Variants in EPHA5 observed in about 807,000 individuals in gnomAD.
The protein encoded by EPHA5 is ephrin type-A receptor 5.
Under a neutral mutation model 105.0 loss-of-function variants are expected in EPHA5, and 60 were observed. The observed-to-expected ratio is 0.57, with a 90% confidence interval of 0.46 to 0.71. EPHA5 has a LOEUF of 0.71. Among genes scored for constraint, EPHA5 ranks in the 30% least tolerant of loss-of-function variants. EPHA5 has a pLI of 0.00. For missense variants in EPHA5, 1,218 were observed against 1,274.7 expected (o/e 0.96, Z 0.68); for synonymous variants, 513 against 449.1 (o/e 1.14, Z -1.80).
intron 5 of EPHA5, among the ~76,000 whole-genome samples, chr4:65,424,767 C>T (rs537564978): frequency 6.6e-6 from 1 of 152,082 alleles, no homozygotes; most frequent in African/African-American, 2.4e-5. Context: ...CTTCATGACT[C>T]TAAATTAATA....
rs1309430745 is a variant in EPHA5, at chr4:65,531,036, TTTTTA to T, written c.911-35498_911-35494del. On this transcript the variant is annotated intron_variant, in intron 3 of 16. Coordinates refer to ENST00000613740, the MANE Select transcript of EPHA5 (RefSeq NM_001281766.3). ...TTTTATTTTTTTTATTTTTTTTATT[TTTTTA>T]TTTTTTTGAGACGGAGTCTCGCTCT... Among the ~76,000 whole-genome samples, 22 of 81,526 alleles carry T rather than the reference TTTTTA, an allele frequency of 2.7e-4. No individual in the cohort carries two copies. In the South Asian group the frequency reaches 3.9e-3, roughly 14 times the overall value. 53.5% of individuals were successfully genotyped at this position (81,526 alleles called of 152,430 possible). A position where few individuals can be genotyped will look rare whatever the true frequency, so the allele number is the denominator to read the frequency against.
intron 3 of EPHA5, among the ~76,000 whole-genome samples, chr4:65,553,852 G>T (rs903840501): frequency 7.2e-5 from 11 of 151,948 alleles, no homozygotes; most frequent in Non-Finnish European, 1.2e-4. Context: ...CAAAATGAAA[G>T]AACTTTCAGT....
At chr4:65,615,833 G>C (rs534145318) in intron 2 of EPHA5, among the ~76,000 whole-genome samples, 1 of 151,918 alleles carries the variant, frequency 6.6e-6, no homozygotes, top group South Asian at 2.1e-4. Context: ...CCTATATATT[G>C]CTGGTGGAAA....
intron 4 of EPHA5, among the ~76,000 whole-genome samples, chr4:65,492,119 T>C (rs1731458497): frequency 6.6e-6 from 1 of 152,118 alleles, no homozygotes; most frequent in Admixed American, 6.6e-5. Context: ...TAACTAACAT[T>C]TATTAAGTCA....
chr4:65,460,579 A>G (rs1474654585), intron 5 of EPHA5, among the ~76,000 whole-genome samples: 1 of 151,534 alleles, frequency 6.6e-6, no homozygotes, highest in East Asian at 1.9e-4. Context: ...TCAAAAGTAT[A>G]TTTAAATATT....
intron 3 of EPHA5, among the ~76,000 whole-genome samples, chr4:65,592,994 G>A (rs571420188): frequency 4.1e-4 from 62 of 152,248 alleles, no homozygotes; most frequent in African/African-American, 1.4e-3. Flanking sequence ...CCAAAAGGGG[G>A]CAAAATAAAC....
At chr4:65,596,681 A>AACACAC (rs71205392) in intron 3 of EPHA5, among the ~76,000 whole-genome samples, 24,726 of 150,436 alleles carry the variant, frequency 0.16, 2,202 homozygotes, top group Non-Finnish European at 0.2. Context: ...ACAAAAGCAG[A>AACACAC]ACACACACAC....
intron 3 of EPHA5, among the ~76,000 whole-genome samples, chr4:65,576,073 G>GAA (rs1740958548): frequency 2.2e-5 from 1 of 44,568 alleles, no homozygotes; most frequent in African/African-American, 8.1e-5. Context: ...GAAAAGAAAA[G>GAA]AAAAGAAAAG....
intron 3 of EPHA5, among the ~76,000 whole-genome samples, chr4:65,571,331 A>G (rs1740156136): frequency 6.6e-6 from 1 of 151,874 alleles, no homozygotes; most frequent in Admixed American, 6.6e-5. Context: ...TAAAAAAAAA[A>G]AAACAGATCA....
At chr4:65,596,274 T>A (rs1026661052) in intron 3 of EPHA5, among the ~76,000 whole-genome samples, 2 of 152,152 alleles carry the variant, frequency 1.3e-5, no homozygotes, top group Non-Finnish European at 2.9e-5. Context: ...CCAGTGAATA[T>A]TAGGCAATAT....
At chr4:65,646,238 C>T (rs898018158) in intron 1 of EPHA5, among the ~76,000 whole-genome samples, 1 of 152,098 alleles carries the variant, frequency 6.6e-6, no homozygotes, top group Non-Finnish European at 1.5e-5. Flanking sequence ...CAATTCCTAT[C>T]TCTAAAACAC....
chr4:65,646,941 T>A (rs889666345), intron 1 of EPHA5, among the ~76,000 whole-genome samples: 2 of 152,164 alleles, frequency 1.3e-5, no homozygotes, highest in Non-Finnish European at 2.9e-5. Flanking sequence ...TCAGTATTCA[T>A]GACAATATGC....
intron 4 of EPHA5, among the ~76,000 whole-genome samples, chr4:65,493,127 C>T (rs1400894451): frequency 6.6e-6 from 1 of 151,814 alleles, no homozygotes; most frequent in East Asian, 1.9e-4. Context: ...GCACAAGCAG[C>T]TTTAAAGTCA....
In EPHA5 at chr4:65,646,973, A is replaced by G. The variant is rs75624231; in HGVS notation, c.182-3546T>C. ...ATGCATGAAAAAGCACTTTGCCACT[A>G]CTGTAATCAATGCCTCCATTTTCCC... On this transcript the variant is annotated intron_variant, in intron 1 of 16. Transcript: ENST00000613740. Among the ~76,000 whole-genome samples the G allele has an allele frequency of 1.0e-3, 153 of 152,236 alleles. 2 individuals carry two copies. In the East Asian group the frequency reaches 0.023, roughly 22 times the overall value.
At chr4:65,599,134 A>G (rs180809879) in intron 3 of EPHA5, among the ~76,000 whole-genome samples, 168 of 152,266 alleles carry the variant, frequency 1.1e-3, no homozygotes, top group Non-Finnish European at 2.0e-3. Flanking sequence ...AAGGAAATAG[A>G]AGTAGATGAT....
chr4:65,462,727 A>G (rs1380962126), intron 5 of EPHA5, among the ~76,000 whole-genome samples: 1 of 152,200 alleles, frequency 6.6e-6, no homozygotes, highest in African/African-American at 2.4e-5. Flanking sequence ...AGGCATTAGC[A>G]ATAGAATTTA....
At chr4:65,538,698 C>A (rs923340767) in intron 3 of EPHA5, among the ~76,000 whole-genome samples, 1 of 151,576 alleles carries the variant, frequency 6.6e-6, no homozygotes, top group Admixed American at 6.6e-5. Context: ...AGGCACATAG[C>A]GATCCAAGCA....
intron 8 of EPHA5, among the ~76,000 whole-genome samples, chr4:65,390,307 A>G (rs575138597): frequency 1.3e-4 from 20 of 151,954 alleles, no homozygotes; most frequent in Admixed American, 4.6e-4. Context: ...AGGCAACTAG[A>G]GACCTCTTCT....
In EPHA5 at chr4:65,382,682, A is replaced by C. The variant is rs61566197; in HGVS notation, c.1794-15258T>G. Among the ~76,000 whole-genome samples, 393 of 151,968 alleles carry C rather than the reference A, an allele frequency of 2.6e-3. 3 individuals are homozygous for C. The highest frequency in any genetic ancestry group is 9.1e-3 in the African/African-American group (377 of 41,528). ...GGCTACACATTAGAATCAACAAGGA[A>C]GCTTAAAAACAAAAGTCCAGGCCTT... On this transcript the variant is annotated intron_variant, in intron 8 of 16. Coordinates refer to ENST00000613740, the MANE Select transcript of EPHA5 (RefSeq NM_001281766.3).
Sources: gnomAD v4.1 joint callset for allele counts (sites outside exome capture counted in the v4.1 genomes callset) on GRCh38, gnomAD v4.1.1 for gene constraint, MANE v1.5 for transcripts, NCBI Gene and HGNC (gene_info 2026-07-23, HGNC 2026-07-21) for gene names.